The following ENDOD1 variants were observed in gnomAD, a reference collection of about 807,000 sequenced individuals.
ENDOD1 encodes endonuclease domain containing 1, also known as endonuclease domain-containing 1 protein.
In ENDOD1, 9 loss-of-function variants were observed where a neutral mutation model predicts 6.5. That is an observed-to-expected ratio of 1.39 (90% CI 0.84 to 2.43). ENDOD1 has a LOEUF of 2.43. Among genes scored for constraint, ENDOD1 ranks in the 30% most tolerant of loss-of-function variants. ENDOD1 has a pLI of 0.00. For missense variants in ENDOD1, 648 were observed against 635.5 expected (o/e 1.02, Z -0.21); for synonymous variants, 255 against 255.2 (o/e 1.00, Z 0.01).
chr11:95,116,864 C>T (rs1178692951), intron 1 of ENDOD1, among the ~76,000 whole-genome samples: 1 of 152,134 alleles, frequency 6.6e-6, no homozygotes, highest in East Asian at 1.9e-4. Flanking sequence ...GGCATTATTT[C>T]AGTTTTTTTG....
At chr11:95,095,336 T>A (rs574733596) in intron 1 of ENDOD1, among the ~76,000 whole-genome samples, 2 of 30,388 alleles carry the variant, frequency 6.6e-5, no homozygotes, top group Admixed American at 7.2e-4. Context: ...AACCAAGAAG[T>A]GTGTTGTCAG....
rs1471042667 is a variant in ENDOD1, at chr11:95,113,911, T to C, written c.301-14466T>C. On this transcript the variant is annotated intron_variant, in intron 1 of 1. Coordinates refer to ENST00000278505, the MANE Select transcript of ENDOD1 (RefSeq NM_015036.3). ...AACAGTGTAAGAGGGTTACTTTTTT[T>C]CTGCATCTTTACCAGCATTTGTTAT... Among the ~76,000 whole-genome samples the C allele has an allele frequency of 3.9e-5, 6 of 152,360 alleles. No homozygotes were observed. In the East Asian group the frequency reaches 1.2e-3, roughly 29 times the overall value.
chr11:95,096,700 A>G (rs1858988415), intron 1 of ENDOD1, among the ~76,000 whole-genome samples: 1 of 152,212 alleles, frequency 6.6e-6, no homozygotes, highest in African/African-American at 2.4e-5. Flanking sequence ...GCTTTAAGAA[A>G]GCCCTGAGCC....
chr11:95,123,128 G>A (rs1476457962), intron 1 of ENDOD1, among the ~76,000 whole-genome samples: 3 of 151,354 alleles, frequency 2.0e-5, no homozygotes, highest in East Asian at 3.9e-4. Context: ...GGCGGAGGTT[G>A]CAGTGAGCCA....
rs1227008434 is a variant in ENDOD1 at position 95,128,789 on chromosome 11, A to G, written c.713A>G (p.Lys238Arg). 3 of 1,614,098 alleles carry G rather than the reference A, an allele frequency of 1.9e-6. No homozygotes were observed. Among genetic ancestry groups the G allele is most frequent in the Non-Finnish European group, 2.5e-6 (3 of 1,180,046 alleles). ...GGAGGCTGGGCCATGGGCTTTGTCA[A>G]GCACACCCGGGACAGTGACATCATA... ...PGGGWAMGFVKHTRDSDIIED... is the reference protein window; with the variant it reads ...PGGGWAMGFVRHTRDSDIIED... Residue 238 changes from lysine (K) to arginine (R), a missense_variant, in exon 2 of 2, where the codon AAG (lysine) becomes AGG (arginine). By Grantham distance (26) the Lys-to-Arg change is conservative. Transcript: ENST00000278505.
intron 1 of ENDOD1, among the ~76,000 whole-genome samples, chr11:95,120,984 T>A (rs1403924324): frequency 1.3e-5 from 2 of 152,168 alleles, no homozygotes. Flanking sequence ...GCAGTTGCTG[T>A]ACTCCCCTCT....
Position 95,129,525 on chromosome 11 carries a change from T to C in ENDOD1, c.1449T>C (p.Ser483=). The C allele has an allele frequency of 6.2e-7, 1 of 1,614,222 alleles. No homozygotes were observed. Among genetic ancestry groups the C allele is most frequent in the Non-Finnish European group, 8.5e-7 (1 of 1,180,026 alleles). The stretch of plus-strand genomic sequence containing the variant: ...GTGGCCTATTTCAGGTGGTTTTTAG[T>C]GTCTGCAAGCGGATTGGCTACAAGG... ...TLGGLFQVVF[S]VCKRIGYKVT... is the part of the protein sequence containing the mutation. The change falls in exon 2 of 2, where the codon AGT becomes AGC. Residue 483 remains serine (S), a synonymous_variant. Coordinates refer to ENST00000278505, the MANE Select transcript of ENDOD1 (RefSeq NM_015036.3).
chr11:95,105,733 CT>C (rs782407247), intron 1 of ENDOD1, among the ~76,000 whole-genome samples: 27 of 152,342 alleles, frequency 1.8e-4, no homozygotes, highest in Middle Eastern at 3.4e-3. Context: ...ATCCATGTCC[CT>C]GCAAAGGACA....
At chr11:95,106,384 A>G (rs1465721601) in intron 1 of ENDOD1, among the ~76,000 whole-genome samples, 1 of 152,196 alleles carries the variant, frequency 6.6e-6, no homozygotes, top group East Asian at 1.9e-4. Context: ...TGTAACTGAC[A>G]TGGATGAGTG....
At chr11:95,096,889 A>G (rs1454850589) in intron 1 of ENDOD1, among the ~76,000 whole-genome samples, 5 of 152,242 alleles carry the variant, frequency 3.3e-5, no homozygotes, top group African/African-American at 7.2e-5. Context: ...GGTGCCAAGC[A>G]TGGTGGCTCA....
intron 1 of ENDOD1, among the ~76,000 whole-genome samples, chr11:95,103,100 G>GGGGTGTGTGTGT (rs1491376570): frequency 5.8e-4 from 50 of 85,614 alleles, no homozygotes; most frequent in African/African-American, 1.4e-3. Flanking sequence ...AGGCAGAGTG[G>GGGGTGTGTGTGT]GTGTGTGTGT....
chr11:95,099,516 C>T (rs1555110658), intron 1 of ENDOD1, among the ~76,000 whole-genome samples: 2 of 152,214 alleles, frequency 1.3e-5, no homozygotes, highest in African/African-American at 4.8e-5. Context: ...CATCATCCAG[C>T]CCTAGTCTGT....
chr11:95,095,776 C>T (rs1325371730), intron 1 of ENDOD1, among the ~76,000 whole-genome samples: 1 of 152,134 alleles, frequency 6.6e-6, no homozygotes, highest in Non-Finnish European at 1.5e-5. Context: ...AGTAACTTAT[C>T]CAAGGTCAAA....
chr11:95,129,156 C>T lies in ENDOD1; in HGVS notation c.1080C>T (p.Phe360=), dbSNP rs1273232811. Residue 360 remains phenylalanine (F), a synonymous_variant, in exon 2 of 2, where the codon TTC becomes TTT. Coordinates refer to ENST00000278505, the MANE Select transcript of ENDOD1 (RefSeq NM_015036.3). Reference sequence around the variant, plus strand: ...CAATCCTGAAGAACATTGTCTATTTCCTGTGGTGTGTTACCAAGCAGGTGA... The same window carrying T: ...CAATCCTGAAGAACATTGTCTATTTTCTGTGGTGTGTTACCAAGCAGGTGA... ...VVAILKNIVY[F]LWCVTKQVIN... 6.2e-7 allele frequency: 1 copy of T among 1,614,014 alleles called. No homozygotes were observed. Among genetic ancestry groups the T allele is most frequent in the Non-Finnish European group, 8.5e-7 (1 of 1,180,042 alleles).
chr11:95,118,433 A>G (rs1474531581), intron 1 of ENDOD1, among the ~76,000 whole-genome samples: 1 of 151,390 alleles, frequency 6.6e-6, no homozygotes, highest in Non-Finnish European at 1.5e-5. Context: ...CCAATGTACT[A>G]CTCTTAGGGT....
chr11:95,096,321 C>T (rs1555110320), intron 1 of ENDOD1, among the ~76,000 whole-genome samples: 2 of 122,422 alleles, frequency 1.6e-5, no homozygotes, highest in Non-Finnish European at 3.2e-5. Context: ...TTTCATGAAA[C>T]TTAACATCTG....
chr11:95,102,154 A>G (rs1859046644), intron 1 of ENDOD1, among the ~76,000 whole-genome samples: 1 of 151,934 alleles, frequency 6.6e-6, no homozygotes, highest in South Asian at 2.1e-4. Flanking sequence ...AGCAGAGCTG[A>G]CAGATCTCCA....
intron 1 of ENDOD1, among the ~76,000 whole-genome samples, chr11:95,108,494 A>AAC (rs34439162): frequency 0.019 from 2,822 of 146,482 alleles, 38 homozygotes; most frequent in Middle Eastern, 0.027. Flanking sequence ...CTCTTTTCTA[A>AAC]ACACACACAC....
At chr11:95,122,762 GC>G in intron 1 of ENDOD1, among the ~76,000 whole-genome samples, 1 of 152,172 alleles carries the variant, frequency 6.6e-6, no homozygotes, top group Non-Finnish European at 1.5e-5. Context: ...TTCAACAAAA[GC>G]TATTAAAACA....
Sources: gnomAD v4.1 joint callset for allele counts (sites outside exome capture counted in the v4.1 genomes callset) on GRCh38, gnomAD v4.1.1 for gene constraint, MANE v1.5 for transcripts, NCBI Gene and HGNC (gene_info 2026-07-23, HGNC 2026-07-21) for gene names.